SCAPER: variants seen among roughly 807,000 people sequenced by gnomAD.
The protein encoded by SCAPER is S-phase cyclin A associated protein in the ER, also known as S phase cyclin A-associated protein in the endoplasmic reticulum.
A neutral mutation model predicts 182.2 loss-of-function variants in SCAPER; 98 were observed. That is an observed-to-expected ratio of 0.54 (90% confidence interval 0.46 to 0.64). The LOEUF is 0.64. Among genes scored for constraint, SCAPER ranks in the 30% least tolerant of loss-of-function variants. The probability of loss-of-function intolerance (pLI) is 0.00; values close to 1 mark genes in which losing one functional copy is unlikely to be tolerated. For missense variants in SCAPER, 1,432 were observed against 1,690.0 expected, an observed-to-expected ratio of 0.85 and a Z score of 2.68; for synonymous variants, 605 against 564.6, an observed-to-expected ratio of 1.07 and a Z score of -1.01.
chr15:76,805,284 T>C (rs1342006555), intron 5 of SCAPER, among the ~76,000 whole-genome samples: 2 of 152,320 alleles, frequency 1.3e-5, no homozygotes, highest in African/African-American at 4.8e-5. Flanking sequence ...GGGTATATAC[T>C]TAGAAGTGGA....
chr15:76,492,490 A>G (rs2052415444), intron 24 of SCAPER, among the ~76,000 whole-genome samples: 1 of 152,238 alleles, frequency 6.6e-6, no homozygotes. Context: ...AACATATTTT[A>G]AATGTATAGT....
chr15:76,357,066 T>C (rs2041012236), intron 29 of SCAPER, among the ~76,000 whole-genome samples: 1 of 151,972 alleles, frequency 6.6e-6, no homozygotes, highest in Non-Finnish European at 1.5e-5. Context: ...ATTTACCAAC[T>C]GGCTTTGTGA....
chr15:76,778,804 T>C (rs1408988385), intron 8 of SCAPER, among the ~76,000 whole-genome samples: 2 of 152,058 alleles, frequency 1.3e-5, no homozygotes, highest in African/African-American at 4.8e-5. Context: ...CATAAGTATA[T>C]ACTTAGATAT....
chr15:76,787,430 G>T (rs1024319015), intron 8 of SCAPER, among the ~76,000 whole-genome samples: 2 of 152,004 alleles, frequency 1.3e-5, no homozygotes, highest in African/African-American at 4.8e-5. Flanking sequence ...TCTCCCCAAG[G>T]CTGGAATGCG....
At chr15:76,680,032 C>T (rs1214078073) in intron 20 of SCAPER, among the ~76,000 whole-genome samples, 1 of 152,096 alleles carries the variant, frequency 6.6e-6, no homozygotes, top group Non-Finnish European at 1.5e-5. Flanking sequence ...CAGGCTTCAT[C>T]CTTAGAAAAT....
intron 20 of SCAPER, among the ~76,000 whole-genome samples, chr15:76,675,607 G>A (rs955286629): frequency 1.3e-5 from 2 of 152,126 alleles, no homozygotes; most frequent in African/African-American, 2.4e-5. Flanking sequence ...CTGCTTTCTG[G>A]AGCTACTTTG....
chr15:76,727,396 T>G (rs999814495), intron 17 of SCAPER, among the ~76,000 whole-genome samples: 4 of 151,932 alleles, frequency 2.6e-5, no homozygotes, highest in Admixed American at 2.0e-4. Flanking sequence ...GACAAACAAA[T>G]TCATCACTGG....
chr15:76,811,339 C>T (rs1338093029), intron 5 of SCAPER, among the ~76,000 whole-genome samples: 1 of 150,790 alleles, frequency 6.6e-6, no homozygotes, highest in African/African-American at 2.4e-5. Flanking sequence ...ATAGCAAGAA[C>T]AAAAAAAAGG....
intron 5 of SCAPER, among the ~76,000 whole-genome samples, chr15:76,814,866 T>C (rs998159013): frequency 6.6e-6 from 1 of 152,154 alleles, no homozygotes; most frequent in South Asian, 2.1e-4. Flanking sequence ...ACTCTGTATA[T>C]GATAAGGGGT....
In SCAPER at chr15:76,776,760, T is replaced by G. The variant is rs761648858; in HGVS notation, c.773-1643A>C. Among the ~76,000 whole-genome samples, 3 of 151,952 alleles carry G rather than the reference T, an allele frequency of 2.0e-5. No homozygotes were observed. The East Asian group carries it at 5.8e-4, about 29-fold the overall frequency. ...CAGGGAGCTGAGCTTATAAAACCGG[T>G]AGGAGGAAAGGAAGTGATGCAAGTT... On this transcript the variant is annotated intron_variant, in intron 8 of 31. Transcript: ENST00000563290.
Position 76,491,846 on chromosome 15 carries a change from G to A in SCAPER, c.2954+13013C>T, listed in dbSNP as rs372845212. Reference sequence around the variant, plus strand: ...GGGGTTTCACTATGTTGGCCAGGCTGGTCTTGAACTCTTGGCCTCAAGTTA... The same window carrying A: ...GGGGTTTCACTATGTTGGCCAGGCTAGTCTTGAACTCTTGGCCTCAAGTTA... On this transcript the variant is annotated intron_variant, in intron 24 of 31. Coordinates refer to ENST00000563290, the MANE Select transcript of SCAPER (RefSeq NM_020843.4). 1.2e-4 allele frequency among the ~76,000 whole-genome samples: 19 copies of A among 152,236 alleles called. No homozygotes were observed. The East Asian group carries it at 2.7e-3, about 22-fold the overall frequency.
chr15:76,713,040 GT>G (rs1277550169), intron 17 of SCAPER, among the ~76,000 whole-genome samples: 2 of 152,086 alleles, frequency 1.3e-5, no homozygotes, highest in African/African-American at 4.8e-5. Context: ...AATGCTTCCA[GT>G]TTTTGCCCAT....
chr15:76,855,224 T>C (rs1208853356), intron 4 of SCAPER, among the ~76,000 whole-genome samples: 1 of 152,144 alleles, frequency 6.6e-6, no homozygotes, highest in Non-Finnish European at 1.5e-5. Flanking sequence ...GGTAGCCATA[T>C]GCAGAAGACT....
At chr15:76,612,222 G>A (rs1050765813) in intron 22 of SCAPER, among the ~76,000 whole-genome samples, 2 of 152,050 alleles carry the variant, frequency 1.3e-5, no homozygotes, top group African/African-American at 4.8e-5. Flanking sequence ...AAAAGCTGCT[G>A]CTGCTGCTGC....
chr15:76,566,466 C>T (rs1041824072), intron 23 of SCAPER, among the ~76,000 whole-genome samples: 11 of 152,074 alleles, frequency 7.2e-5, no homozygotes, highest in Admixed American at 3.9e-4. Flanking sequence ...AACTCCATGT[C>T]CAATCCATCT....
chr15:76,698,376 C>T (rs777967546), intron 20 of SCAPER, among the ~76,000 whole-genome samples: 8 of 152,210 alleles, frequency 5.3e-5, no homozygotes, highest in South Asian at 2.1e-4. Context: ...ATATGCAAGG[C>T]TCAAACACTG....
chr15:76,731,971 T>C (rs575415298), intron 16 of SCAPER, among the ~76,000 whole-genome samples: 3 of 152,328 alleles, frequency 2.0e-5, no homozygotes, highest in Non-Finnish European at 4.4e-5. Flanking sequence ...GATGTCTATT[T>C]AAAAATATAC....
intron 17 of SCAPER, among the ~76,000 whole-genome samples, chr15:76,726,642 T>C (rs1313830207): frequency 2.0e-5 from 3 of 152,026 alleles, no homozygotes; most frequent in African/African-American, 7.2e-5. Flanking sequence ...GTATTATACA[T>C]ACAATGAAAT....
At chr15:76,899,290 G>A (rs75716537) in intron 1 of SCAPER, among the ~76,000 whole-genome samples, 7 of 152,018 alleles carry the variant, frequency 4.6e-5, no homozygotes, top group East Asian at 3.9e-4. Flanking sequence ...TCGGCCTGCC[G>A]AGTGCCTGGG....
Sources: allele counts gnomAD v4.1 joint callset (sites outside exome capture counted in the v4.1 genomes callset), GRCh38; gene constraint gnomAD v4.1.1; transcripts MANE v1.5; gene names NCBI Gene and HGNC (gene_info 2026-07-23, HGNC 2026-07-21).